The following BEND5 variants were observed in gnomAD, a reference collection of about 807,000 sequenced individuals.
BEND5 encodes the protein BEN domain-containing protein 5.
A neutral mutation model predicts 43.9 loss-of-function variants in BEND5; 22 were observed. That is an observed-to-expected ratio of 0.50 (90% CI 0.36 to 0.72). BEND5 has a LOEUF of 0.72. BEND5 is among the 30% of genes least tolerant of loss of function. BEND5 has a pLI of 0.00. For missense variants in BEND5, 428 were observed against 550.6 expected, an observed-to-expected ratio of 0.78 and a Z score of 2.23; for synonymous variants, 228 against 225.9, an observed-to-expected ratio of 1.01 and a Z score of -0.08.
intron 3 of BEND5, among the ~76,000 whole-genome samples, chr1:48,744,946 C>G (rs1323404011): frequency 6.6e-6 from 1 of 152,188 alleles, no homozygotes; most frequent in African/African-American, 2.4e-5. Context: ...GACTTTCGGA[C>G]ATAGCTCAGG....
intron 3 of BEND5, among the ~76,000 whole-genome samples, chr1:48,750,227 A>T (rs1035464579): frequency 6.6e-6 from 1 of 152,012 alleles, no homozygotes; most frequent in African/African-American, 2.4e-5. Context: ...ACCCCAGCCC[A>T]CTCCAATGGG....
chr1:48,727,783 C>T lies in BEND5; in HGVS notation c.*103G>A. ...CCCCAGAACCCGATGGATCCCTGCA[C>T]ACACACCACCATGCACGGTGGGGTC... On this transcript the variant is annotated 3_prime_UTR_variant, in exon 6 of 6. Coordinates refer to ENST00000371833, the MANE Select transcript of BEND5 (RefSeq NM_024603.4). The T allele has an allele frequency of 8.6e-7, 1 of 1,161,020 alleles. No homozygotes were observed. The highest frequency in any genetic ancestry group is 1.5e-5 in the South Asian group (1 of 66,726). 71.9% of individuals were successfully genotyped at this position (1,161,020 alleles called of 1,614,324 possible). A position where few individuals can be genotyped will look rare whatever the true frequency, so the allele number is the denominator to read the frequency against.
intron 1 of BEND5, among the ~76,000 whole-genome samples, chr1:48,772,039 A>G (rs1286382029): frequency 1.3e-5 from 2 of 152,236 alleles, no homozygotes; most frequent in South Asian, 2.1e-4. Flanking sequence ...CTCAAGCACA[A>G]AAATGCACCT....
chr1:48,762,275 C>A (rs774194558), intron 1 of BEND5, among the ~76,000 whole-genome samples: 3 of 152,206 alleles, frequency 2.0e-5, no homozygotes, highest in Non-Finnish European at 4.4e-5. Flanking sequence ...ATTATTTCTA[C>A]TCATTTTCTC....
At position 48,745,741 on chromosome 1, in the gene BEND5, C is replaced by A. The variant is rs11799750; in HGVS notation, c.746-2970G>T. Among the ~76,000 whole-genome samples the A allele has an allele frequency of 2.2e-3, 342 of 152,258 alleles. 2 individuals carry two copies. Among genetic ancestry groups the A allele is most frequent in the African/African-American group, 7.3e-3 (304 of 41,548 alleles). On this transcript the variant is annotated intron_variant, in intron 3 of 5. Coordinates refer to ENST00000371833, the MANE Select transcript of BEND5 (RefSeq NM_024603.4). Reference sequence around the variant, plus strand: ...GTAAATAATTATCTCTAGCCCTTGGCTTGGGATTTGGAGACAGAGCTCCAA... The same window carrying A: ...GTAAATAATTATCTCTAGCCCTTGGATTGGGATTTGGAGACAGAGCTCCAA...
intron 5 of BEND5, among the ~76,000 whole-genome samples, chr1:48,734,016 CAT>C (rs938130020): frequency 2.0e-5 from 3 of 152,198 alleles, no homozygotes; most frequent in African/African-American, 4.8e-5. Flanking sequence ...TTCCAACAAA[CAT>C]AGCAGAATTA....
intron 3 of BEND5, among the ~76,000 whole-genome samples, chr1:48,754,647 A>C (rs905525663): frequency 1.3e-5 from 2 of 152,186 alleles, no homozygotes; most frequent in Admixed American, 6.5e-5. Flanking sequence ...AAAAGTTTAC[A>C]TATGCAAATT....
At position 48,727,826 on chromosome 1, in the gene BEND5, T is replaced by A; in HGVS notation, c.*60A>T. The A allele has an allele frequency of 6.7e-7, 1 of 1,498,128 alleles. No individual in the cohort carries two copies. Among genetic ancestry groups the A allele is most frequent in the Non-Finnish European group, 9.2e-7 (1 of 1,090,250 alleles). 92.8% of individuals were successfully genotyped at this position (1,498,128 alleles called of 1,614,324 possible). On this transcript the variant is annotated 3_prime_UTR_variant, in exon 6 of 6. Transcript: ENST00000371833. ...GTGGGGTCTGATTTGGACGGCACCA[T>A]CGCTCGCAAATCACATGCCACACAA... is the stretch of plus-strand genomic sequence containing the variant.
chr1:48,737,441 C>T (rs535018141), intron 4 of BEND5, among the ~76,000 whole-genome samples: 1 of 152,302 alleles, frequency 6.6e-6, no homozygotes, highest in Admixed American at 6.5e-5. Flanking sequence ...AGAGCAGCTG[C>T]CCTGCCAATT....
At chr1:48,742,870 T>C in intron 3 of BEND5, 99 bp from the exon 4 acceptor site, 1 of 1,251,842 alleles carries the variant, frequency 8.0e-7, no homozygotes, top group South Asian at 2.0e-5. Context: ...GCACAAAAAA[T>C]TTGCTAGCTT....
intron 3 of BEND5, among the ~76,000 whole-genome samples, chr1:48,752,704 C>T (rs1231241634): frequency 6.6e-6 from 1 of 152,152 alleles, no homozygotes; most frequent in Non-Finnish European, 1.5e-5. Context: ...CTACTGAGCA[C>T]CTACTATATG....
At position 48,727,896 on chromosome 1, in the gene BEND5, T is replaced by A; in HGVS notation, c.1256A>T (p.Asn419Ile). 1 of 1,602,364 alleles carries A rather than the reference T, an allele frequency of 6.2e-7. No homozygotes were observed. Among genetic ancestry groups the A allele is most frequent in the Non-Finnish European group, 8.5e-7 (1 of 1,172,790 alleles). ...KNEERREAKY[N>I]LQ ...TGAAAAATCCAAAGTTTATTGCAAA[T>A]TGTATTTTGCTTCCCTTCGTTCTTC... The change falls in exon 6 of 6, where the codon AAT becomes ATT. Residue 419 changes from asparagine to isoleucine, a missense_variant. Around this residue, in one of 4 missense-constraint regions of BEND5, gnomAD observed 75 missense variants for 148.5 expected, o/e 0.50. Coordinates refer to ENST00000371833, the MANE Select transcript of BEND5 (RefSeq NM_024603.4).
At chr1:48,765,435 A>G (rs1304361380) in intron 1 of BEND5, among the ~76,000 whole-genome samples, 3 of 152,232 alleles carry the variant, frequency 2.0e-5, no homozygotes, top group East Asian at 1.9e-4. Flanking sequence ...TAAAGAATGT[A>G]AAGATATTGG....
chr1:48,729,918 C>G (rs1023252126), intron 5 of BEND5, among the ~76,000 whole-genome samples: 3 of 152,154 alleles, frequency 2.0e-5, no homozygotes, highest in African/African-American at 7.2e-5. Context: ...AGGTAGGAGG[C>G]CCTGTCTCTC....
intron 3 of BEND5, among the ~76,000 whole-genome samples, chr1:48,756,158 G>A (rs531600067): frequency 6.6e-6 from 1 of 152,308 alleles, no homozygotes; most frequent in East Asian, 1.9e-4. Flanking sequence ...AGAACACTGA[G>A]GGTCAGAGAC....
Position 48,736,499 on chromosome 1 carries a change from C to T in BEND5, c.895-47G>A. The T allele has an allele frequency of 6.6e-7, 1 of 1,509,022 alleles. No individual in the cohort carries two copies. The highest frequency in any genetic ancestry group is 9.2e-7 in the Non-Finnish European group (1 of 1,088,736). The allele number at this position is 1,509,022 out of a possible 1,614,324, so 93.5% of individuals were successfully genotyped here. On this transcript the variant is annotated intron_variant, in intron 4 of 5. Coordinates refer to ENST00000371833, the MANE Select transcript of BEND5 (RefSeq NM_024603.4). The surrounding 1 kb of genome is among the most constrained non-coding windows in gnomAD (Gnocchi z 4.0). Reference sequence around the variant, plus strand: ...GCACCTGTTTAGTCCGACAGGAGGGCAGTGGGAGGCTTCTCTTGTCCTTTA... The same window carrying T: ...GCACCTGTTTAGTCCGACAGGAGGGTAGTGGGAGGCTTCTCTTGTCCTTTA...
intron 3 of BEND5, among the ~76,000 whole-genome samples, chr1:48,755,094 C>T (rs566481176): frequency 1.3e-5 from 2 of 152,292 alleles, no homozygotes; most frequent in Middle Eastern, 3.4e-3. Flanking sequence ...AAGACGTGTA[C>T]GATTCAGTGA....
chr1:48,747,842 A>C (rs1297335549), intron 3 of BEND5, among the ~76,000 whole-genome samples: 1 of 152,210 alleles, frequency 6.6e-6, no homozygotes, highest in Admixed American at 6.5e-5. Context: ...TATTTTTTCA[A>C]ACATGTATGT....
intron 1 of BEND5, among the ~76,000 whole-genome samples, chr1:48,770,268 C>T (rs1298389167): frequency 6.6e-6 from 1 of 152,176 alleles, no homozygotes; most frequent in East Asian, 1.9e-4. Flanking sequence ...GCTGTCCTAT[C>T]CTATGTCTGA....
Sources: gnomAD v4.1 joint callset for allele counts (sites outside exome capture counted in the v4.1 genomes callset) on GRCh38, gnomAD v4.1.1 for gene constraint, gnomAD v4.1.1 regional missense constraint, Gnocchi (gnomAD v3.1) non-coding constraint, MANE v1.5 for transcripts, NCBI Gene and HGNC (gene_info 2026-07-23, HGNC 2026-07-21) for gene names.